PDE4C: variants seen among roughly 807,000 people sequenced by gnomAD.
PDE4C encodes the protein 3',5'-cyclic-AMP phosphodiesterase 4C.
A neutral mutation model predicts 63.9 loss-of-function variants in PDE4C; 50 were observed. That is an observed-to-expected ratio of 0.78 (90% CI 0.62 to 0.99). The LOEUF (loss-of-function observed/expected upper bound fraction) is 0.99. Among genes scored for constraint, PDE4C ranks in the 50% least tolerant of loss-of-function variants. The pLI is 0.00. For missense variants in PDE4C, 777 were observed against 899.1 expected, an observed-to-expected ratio of 0.86 and a Z score of 1.74; for synonymous variants, 377 against 385.1, an observed-to-expected ratio of 0.98 and a Z score of 0.25.
At chr19:18,213,302 T>A (rs896773296) in intron 13 of PDE4C, 66 bp downstream of exon 13, 1 of 1,356,798 alleles carries the variant, frequency 7.4e-7, no homozygotes, top group Non-Finnish European at 9.9e-7. Flanking sequence ...AATAAATACA[T>A]AAATAAATAA....
Position 18,242,024 on chromosome 19 carries a change from G to A in PDE4C, c.-210+6147C>T, listed in dbSNP as rs370315910. 2.6e-5 allele frequency among the ~76,000 whole-genome samples: 4 copies of A among 152,330 alleles called. No individual in the cohort carries two copies. In the South Asian group the frequency reaches 8.3e-4, roughly 32 times the overall value. On this transcript the variant is annotated intron_variant, in intron 1 of 15. Coordinates refer to the PDE4C transcript ENST00000594617. ...AATGAGGGAGTGGATCACATTGCTG[G>A]GGTGAGTTAGGGAATTTTCTGAGGA...
In PDE4C at chr19:18,210,905, C is replaced by T. The variant is rs1386899283; in HGVS notation, c.*24G>A. ...CCAAAGGGCTTTACCATCCATTGCC[C>T]CTGCAGTTCACGCAGGGCTGGCCCT... On this transcript the variant is annotated 3_prime_UTR_variant, in exon 15 of 15. Coordinates refer to ENST00000262805, the Ensembl canonical transcript of PDE4C. The T allele has an allele frequency of 2.6e-6, 4 of 1,565,608 alleles. No homozygotes were observed. The Admixed American group carries it at 5.5e-5, about 21-fold the overall frequency.
upstream of PDE4C, among the ~76,000 whole-genome samples, chr19:18,251,627 G>T (rs62120402): frequency 0.2 from 28,363 of 144,240 alleles, 3,335 homozygotes; most frequent in Non-Finnish European, 0.26. Context: ...TAGAGACGGG[G>T]TTTCACCATT....
At chr19:18,247,877 C>T (rs1028508062) in intron 1 of PDE4C, among the ~76,000 whole-genome samples, 2 of 152,208 alleles carry the variant, frequency 1.3e-5, no homozygotes, top group African/African-American at 4.8e-5. Context: ...ATGGACCACA[C>T]CACAGGCACC....
chr19:18,237,544 T>C (rs1323074738), upstream of PDE4C, among the ~76,000 whole-genome samples: 2 of 145,682 alleles, frequency 1.4e-5, no homozygotes, highest in Non-Finnish European at 3.0e-5. Flanking sequence ...AGAGTGAAAT[T>C]CCATCTCAAA....
chr19:18,226,053 G>A (rs4808767), intron 1 of PDE4C, among the ~76,000 whole-genome samples: 82,915 of 152,130 alleles, frequency 0.55, 23,662 homozygotes, highest in Non-Finnish European at 0.62. Flanking sequence ...GGAGACAGAC[G>A]GAGACAGAGA....
At chr19:18,219,111 A>G (rs925738783) in intron 8 of PDE4C, 73 bp from the exon 9 acceptor site, 95 of 1,573,962 alleles carry the variant, frequency 6.0e-5, no homozygotes, top group Non-Finnish European at 8.3e-5. Context: ...CCATCCTCCC[A>G]CCCCAGGTTC....
At chr19:18,234,888 G>C (rs963798000), upstream of PDE4C, among the ~76,000 whole-genome samples, 2 of 152,154 alleles carry the variant, frequency 1.3e-5, no homozygotes, top group African/African-American at 4.8e-5. Context: ...GGGTGGTTCA[G>C]TCCCTGTTCT....
chr19:18,244,444 G>A (rs755296129), intron 1 of PDE4C, among the ~76,000 whole-genome samples: 3 of 151,584 alleles, frequency 2.0e-5, no homozygotes, highest in Non-Finnish European at 4.4e-5. Flanking sequence ...ACAGGCGACC[G>A]CGACCACACC....
At chr19:18,254,607 C>T in the PDE4C span, among the ~76,000 whole-genome samples, 1 of 152,176 alleles carries the variant, frequency 6.6e-6, no homozygotes, top group Non-Finnish European at 1.5e-5. Flanking sequence ...TGAAACCCTT[C>T]CCTGCAATGA....
At chr19:18,221,294 A>G (rs1376944250) in exon 3 of PDE4C, 1 of 1,543,326 alleles carries the variant, frequency 6.5e-7, no homozygotes, top group African/African-American at 1.4e-5. Flanking sequence ...TGTCCTCTCC[A>G]TGTCTGCGAG....
the PDE4C span, among the ~76,000 whole-genome samples, chr19:18,254,512 C>G: frequency 6.6e-6 from 1 of 152,316 alleles, no homozygotes; most frequent in South Asian, 2.1e-4. Context: ...CCAAGTCAAC[C>G]AGTTCTAATC....
intron 1 of PDE4C, among the ~76,000 whole-genome samples, chr19:18,243,181 C>T (rs1266808509): frequency 6.6e-6 from 1 of 152,108 alleles, no homozygotes; most frequent in Non-Finnish European, 1.5e-5. Flanking sequence ...AGTCTCACTG[C>T]AACCTGCAAC....
chr19:18,221,990 TTGAATATA>T (rs1309990537), intron 2 of PDE4C, 134 bp downstream of exon 2: 5 of 688,176 alleles, frequency 7.3e-6, no homozygotes, highest in Non-Finnish European at 9.6e-6. Context: ...ACACACTTGA[TTGAATATA>T]TGAGCTGTCT....
upstream of PDE4C, among the ~76,000 whole-genome samples, chr19:18,237,849 A>G (rs1352420543): frequency 7.9e-6 from 1 of 126,942 alleles, no homozygotes; most frequent in Admixed American, 9.2e-5. Context: ...CTCCAGCCTG[A>G]GTGACAGAGC....
At chr19:18,242,463 G>A (rs1204163913) in intron 1 of PDE4C, among the ~76,000 whole-genome samples, 3 of 99,782 alleles carry the variant, frequency 3.0e-5, no homozygotes, top group African/African-American at 8.4e-5. Flanking sequence ...GCAACAAAGG[G>A]AGACTCCATC....
At chr19:18,224,107 T>A in intron 1 of PDE4C, 1 of 709,222 alleles carries the variant, frequency 1.4e-6, no homozygotes, top group Non-Finnish European at 1.7e-6. Context: ...CCCACCCTCC[T>A]CCCTCTCCAC....
At chr19:18,243,999 C>T (rs1439615607) in intron 1 of PDE4C, among the ~76,000 whole-genome samples, 4 of 152,012 alleles carry the variant, frequency 2.6e-5, no homozygotes, top group African/African-American at 7.2e-5. Context: ...GGATTACAGG[C>T]GCCCACCACG....
intron 12 of PDE4C, among the ~76,000 whole-genome samples, chr19:18,215,793 C>T (rs893644016): frequency 3.3e-5 from 5 of 150,700 alleles, no homozygotes; most frequent in Non-Finnish European, 5.9e-5. Flanking sequence ...GACTACAGGC[C>T]TGAGCCACCG....
Sources: gnomAD v4.1 joint callset for allele counts (sites outside exome capture counted in the v4.1 genomes callset) on GRCh38, gnomAD v4.1.1 for gene constraint, MANE v1.5 for transcripts, NCBI Gene and HGNC (gene_info 2026-07-23, HGNC 2026-07-21) for gene names.